The following FAM227B variants were observed in gnomAD, a reference collection of about 807,000 sequenced individuals.
FAM227B encodes the protein family with sequence similarity 227 member B.
A neutral mutation model predicts 73.8 loss-of-function variants in FAM227B; 88 were observed. The observed-to-expected ratio is 1.19, with a 90% CI of 1.00 to 1.42. FAM227B has a LOEUF of 1.42. FAM227B is among the 40% of genes most tolerant of loss of function. The pLI is 0.00. For synonymous variants in FAM227B, 210 were observed against 190.5 expected, an observed-to-expected ratio of 1.10 and a Z score of -0.84; for missense variants, 632 against 590.9, an observed-to-expected ratio of 1.07 and a Z score of -0.72.
intron 8 of FAM227B, among the ~76,000 whole-genome samples, chr15:49,569,185 T>C (rs2074903133): frequency 6.6e-6 from 1 of 151,920 alleles, no homozygotes; most frequent in Admixed American, 6.6e-5. Context: ...AACACTCTTA[T>C]AATCCTTTCA....
In FAM227B at chr15:49,328,642, C is replaced by T; in HGVS notation, c.1453G>A (p.Ala485Thr). ...GATGATGATGATGACGATAGTGATG[C>T]CACACATTCTCTCTCAATTTCAGCT... ...SEAEIERECV[A>T]SLSSSSSSSP... The change falls in exon 16 of 16, where the codon GCA becomes ACA. Residue 485 changes from alanine (A) to threonine (T), a missense_variant. Coordinates refer to ENST00000299338, the MANE Select transcript of FAM227B (RefSeq NM_152647.3). 3 of 1,575,538 alleles carry T rather than the reference C, an allele frequency of 1.9e-6. No individual in the cohort carries two copies. Among genetic ancestry groups the T allele is most frequent in the Non-Finnish European group, 2.6e-6 (3 of 1,157,170 alleles).
At chr15:49,366,042 T>C in intron 13 of FAM227B, 1 of 811,022 alleles carries the variant, frequency 1.2e-6, no homozygotes, top group South Asian at 1.3e-5. Flanking sequence ...AAGTTAGATA[T>C]TCTTCCTTTT....
chr15:49,483,776 T>A (rs2056161794), intron 11 of FAM227B, among the ~76,000 whole-genome samples: 1 of 152,100 alleles, frequency 6.6e-6, no homozygotes, highest in Non-Finnish European at 1.5e-5. Context: ...TTGGCTTTCC[T>A]TTGTATTCCC....
chr15:49,396,687 C>T (rs1484683567), intron 11 of FAM227B, among the ~76,000 whole-genome samples: 4 of 150,594 alleles, frequency 2.7e-5, no homozygotes, highest in African/African-American at 4.8e-5. Context: ...GGGTCCCTGA[C>T]CCCTGACCCC....
chr15:49,492,367 G>A (rs2057194086), intron 11 of FAM227B, among the ~76,000 whole-genome samples: 1 of 151,854 alleles, frequency 6.6e-6, no homozygotes, highest in East Asian at 1.9e-4. Flanking sequence ...TTCTTAGAAT[G>A]AATCATGTAA....
chr15:49,407,994 A>G (rs2048633091), intron 11 of FAM227B, among the ~76,000 whole-genome samples: 1 of 152,168 alleles, frequency 6.6e-6, no homozygotes, highest in Non-Finnish European at 1.5e-5. Flanking sequence ...AGATTCATGC[A>G]CATGTTCTAC....
chr15:49,331,672 C>T, intron 15 of FAM227B, 108 bp downstream of exon 15: 2 of 697,096 alleles, frequency 2.9e-6, no homozygotes, highest in Admixed American at 4.5e-5. Flanking sequence ...TCCTCTCCTG[C>T]CACTGTAATT....
intron 10 of FAM227B, among the ~76,000 whole-genome samples, chr15:49,534,176 C>T (rs2060832629): frequency 6.6e-6 from 1 of 151,788 alleles, no homozygotes; most frequent in Non-Finnish European, 1.5e-5. Flanking sequence ...AGAGCAAGAA[C>T]TCACTACCTT....
chr15:49,460,697 T>C (rs2053712967), intron 11 of FAM227B, among the ~76,000 whole-genome samples: 2 of 152,184 alleles, frequency 1.3e-5, no homozygotes, highest in South Asian at 4.1e-4. Context: ...ATACCAGTCA[T>C]GTATATAATA....
chr15:49,594,513 AG>A lies in FAM227B; in HGVS notation c.106-4507del, dbSNP rs550943477. On this transcript the variant is annotated intron_variant, in intron 3 of 15. Coordinates refer to ENST00000299338, the MANE Select transcript of FAM227B (RefSeq NM_152647.3). ...GAAGTCTTTGCCTCTGCCAATGTCT[AG>A]AAGGGTTTTTCCAATATTATCTTCA... Among the ~76,000 whole-genome samples, 6 of 152,224 alleles carry A rather than the reference AG, an allele frequency of 3.9e-5. No individual in the cohort carries two copies. The South Asian group carries it at 1.2e-3, about 32-fold the overall frequency.
chr15:49,491,335 T>C (rs1463714766), intron 11 of FAM227B, among the ~76,000 whole-genome samples: 1 of 151,934 alleles, frequency 6.6e-6, no homozygotes, highest in African/African-American at 2.4e-5. Context: ...TGAAGACCCA[T>C]ATTGGCTCTT....
chr15:49,401,951 T>C (rs892774094), intron 11 of FAM227B, among the ~76,000 whole-genome samples: 19 of 150,004 alleles, frequency 1.3e-4, no homozygotes, highest in Non-Finnish European at 2.7e-4. Context: ...TGTATACATA[T>C]GTAACTAACC....
Position 49,328,262 on chromosome 15 carries a change from G to T in FAM227B, c.*306C>A. 6.8e-7 allele frequency: 1 copy of T among 1,463,290 alleles called. No individual in the cohort carries two copies. The allele number at this position is 1,463,290 out of a possible 1,614,324, so 90.6% of individuals were successfully genotyped here. ...TCTTCCTTCTGTTTTGTATTATGAT[G>T]AACGGTTGCTATTATATCAAGATAT... On this transcript the variant is annotated 3_prime_UTR_variant, in exon 16 of 16. Transcript: ENST00000299338.
At chr15:49,486,607 G>A (rs1241220379) in intron 11 of FAM227B, 1 of 151,876 alleles carries the variant, frequency 6.6e-6, no homozygotes, top group East Asian at 1.9e-4. Context: ...AATAGAAATA[G>A]TGTATATACA....
chr15:49,502,999 G>A (rs904156524), intron 11 of FAM227B, among the ~76,000 whole-genome samples: 8 of 152,164 alleles, frequency 5.3e-5, no homozygotes, highest in African/African-American at 1.9e-4. Flanking sequence ...AAAGCTGGAG[G>A]CATCACGTTA....
At chr15:49,525,049 G>A (rs1193696774) in intron 10 of FAM227B, among the ~76,000 whole-genome samples, 3 of 152,162 alleles carry the variant, frequency 2.0e-5, no homozygotes, top group African/African-American at 7.2e-5. Flanking sequence ...ATGCTGAAAT[G>A]AGTTAAGACT....
intron 11 of FAM227B, 96 bp downstream of exon 11, chr15:49,508,115 C>T (rs2058713372): frequency 3.0e-6 from 4 of 1,353,090 alleles, no homozygotes; most frequent in Non-Finnish European, 4.0e-6. Flanking sequence ...AAGGCCCTCA[C>T]CAAAAACATA....
At chr15:49,524,752 G>T (rs566987825) in intron 10 of FAM227B, among the ~76,000 whole-genome samples, 1 of 152,328 alleles carries the variant, frequency 6.6e-6, no homozygotes, top group East Asian at 1.9e-4. Context: ...CAAGCCTGTG[G>T]AAGTCCACCT....
intron 13 of FAM227B, among the ~76,000 whole-genome samples, chr15:49,360,665 T>G (rs1305654097): frequency 6.6e-6 from 1 of 152,176 alleles, no homozygotes; most frequent in Non-Finnish European, 1.5e-5. Flanking sequence ...CTCTAAATCC[T>G]AGACATCAAA....
Sources: allele counts gnomAD v4.1 joint callset (sites outside exome capture counted in the v4.1 genomes callset), GRCh38; gene constraint gnomAD v4.1.1; transcripts MANE v1.5; gene names NCBI Gene and HGNC (gene_info 2026-07-23, HGNC 2026-07-21).